Variants in TAPBPL observed in about 807,000 individuals in gnomAD.
TAPBPL encodes the protein tapasin-related protein.
TAPBPL carries 32 observed loss-of-function variants against 44.8 expected under a neutral mutation model. That is an observed-to-expected ratio of 0.71 (90% confidence interval 0.54 to 0.96). The LOEUF (loss-of-function observed/expected upper bound fraction) is 0.96. TAPBPL is among the 40% of genes least tolerant of loss of function. The pLI is 0.00. For missense variants in TAPBPL, 520 were observed against 586.6 expected, an observed-to-expected ratio of 0.89 and a Z score of 1.17; for synonymous variants, 230 against 240.7, an observed-to-expected ratio of 0.96 and a Z score of 0.41.
At chr12:6,462,372 A>G (rs1289390377), downstream of TAPBPL, 8 of 508,666 alleles carry the variant, frequency 1.6e-5, no homozygotes, top group Non-Finnish European at 2.8e-5. Flanking sequence ...GGAAAAAAAG[A>G]CAAAGAGGTG....
In TAPBPL at chr12:6,461,471, G is replaced by A. The variant is rs904937450; in HGVS notation, c.1291+533G>A. The A allele has an allele frequency of 1.0e-5, 10 of 993,300 alleles. No homozygotes were observed. In the African/African-American group the frequency reaches 1.7e-4, roughly 17 times the overall value. 61.5% of individuals were successfully genotyped at this position (993,300 alleles called of 1,614,324 possible). A position where few individuals can be genotyped will look rare whatever the true frequency, so the allele number is the denominator to read the frequency against. The stretch of plus-strand genomic sequence containing the variant: ...GAGGGACAATGAGGCATGGGTTGGG[G>A]CTGGGCTACCCCTCCCAAACTCAGC... On this transcript the variant is annotated intron_variant, in intron 6 of 6. Transcript: ENST00000266556.
At chr12:6,464,602 A>T, downstream of TAPBPL, 1 of 1,458,500 alleles carries the variant, frequency 6.9e-7, no homozygotes, top group South Asian at 1.5e-5. Flanking sequence ...TAAGTGCCCC[A>T]TCCCCATGGT....
In TAPBPL at chr12:6,461,933, A is replaced by G. The variant is rs1949875176; in HGVS notation, c.1292-101A>G. On this transcript the variant is annotated intron_variant, in intron 6 of 6. Coordinates refer to ENST00000266556, the MANE Select transcript of TAPBPL (RefSeq NM_018009.5). ...AGGACAAGCAGGCCAAGGACCTAGG[A>G]AGGAGCACAGGAGGCAGATGGAAGA... The G allele has an allele frequency of 4.3e-6, 4 of 921,646 alleles. No homozygotes were observed. The South Asian group carries it at 4.7e-5, about 11-fold the overall frequency. The allele number at this position is 921,646 out of a possible 1,614,324, so 57.1% of individuals were successfully genotyped here. A position where few individuals can be genotyped will look rare whatever the true frequency, so the allele number is the denominator to read the frequency against.
intron 4 of TAPBPL, among the ~76,000 whole-genome samples, chr12:6,458,100 C>T (rs1198417629): frequency 6.6e-6 from 1 of 152,196 alleles, no homozygotes; most frequent in East Asian, 1.9e-4. Flanking sequence ...AAATCTCTGG[C>T]TTAGAGGCCG....
chr12:6,457,268 T>C, intron 3 of TAPBPL, 138 bp from the exon 4 acceptor site: 2 of 749,620 alleles, frequency 2.7e-6, no homozygotes, highest in Non-Finnish European at 4.3e-6. Context: ...TGTGGTTCCA[T>C]GTGATGGAAA....
chr12:6,458,815 G>C lies in TAPBPL; in HGVS notation c.1075G>C (p.Val359Leu). 1 of 1,614,150 alleles carries C rather than the reference G, an allele frequency of 6.2e-7. No individual in the cohort carries two copies. The highest frequency in any genetic ancestry group is 1.1e-5 in the South Asian group (1 of 91,088). The change falls in exon 5 of 7, where the codon GTG (valine) becomes CTG (leucine). Residue 359 changes from valine (V) to leucine (L), a missense_variant. Val to Leu is a conservative substitution (Grantham distance 32). Transcript: ENST00000266556. ...CTCCTTCTCCAGCCTCAGGCAAAGCGTGGCAGGCACCTACAGCATCTCCTC... is the reference window on the plus strand; with the variant it reads ...CTCCTTCTCCAGCCTCAGGCAAAGCCTGGCAGGCACCTACAGCATCTCCTC... Reference protein sequence around the residue: ...GASFSSLRQSVAGTYSISSSL... With the variant: ...GASFSSLRQSLAGTYSISSSL...
At chr12:6,455,399 G>T in intron 3 of TAPBPL, among the ~76,000 whole-genome samples, 1 of 152,308 alleles carries the variant, frequency 6.6e-6, no homozygotes, top group East Asian at 1.9e-4. Context: ...TAGTCTACCC[G>T]TAGCGCAGGC....
Position 6,457,613 on chromosome 12 carries a change from C to T in TAPBPL, c.773C>T (p.Ala258Val), listed in dbSNP as rs763864841. The part of the protein sequence containing the change: ...AVRKGATLEP[A>V]QLGMARDASL... ...CGGAAGGGCGCTACCCTGGAGCCTG[C>T]ACAACTGGGCATGGCCAGGGATGCC... Residue 258 changes from alanine to valine, a missense_variant, in exon 4 of 7, where the codon GCA becomes GTA. Ala to Val is a moderately conservative substitution (Grantham distance 64, BLOSUM62 0). Transcript: ENST00000266556. The T allele has an allele frequency of 9.9e-6, 16 of 1,614,054 alleles. No individual in the cohort carries two copies. Among genetic ancestry groups the T allele is most frequent in the Admixed American group, 1.7e-5 (1 of 60,000 alleles).
downstream of TAPBPL, chr12:6,466,102 G>A (rs572071417): frequency 1.9e-6 from 3 of 1,609,926 alleles, no homozygotes; most frequent in African/African-American, 4.0e-5. Context: ...AACTCTAAAG[G>A]GTGCTTTGCC....
downstream of TAPBPL, chr12:6,470,449 C>A (rs1565529674): frequency 2.5e-6 from 4 of 1,602,446 alleles, no homozygotes; most frequent in Non-Finnish European, 3.4e-6. Context: ...TGCATTGCGC[C>A]ATTTTCCGTC....
rs1949651177 is a variant in TAPBPL, at chr12:6,454,388, A to G, written c.565+672A>G. 3.3e-5 allele frequency among the ~76,000 whole-genome samples: 5 copies of G among 152,140 alleles called. No individual in the cohort carries two copies. The South Asian group carries it at 1.0e-3, about 32-fold the overall frequency. The stretch of plus-strand genomic sequence containing the variant: ...GAGACTGAGACGGGAGAATCACTTG[A>G]ACCTGAGAGACGGTGGTTGCAGTGA... On this transcript the variant is annotated intron_variant, in intron 3 of 6. Transcript: ENST00000266556.
intron 3 of TAPBPL, among the ~76,000 whole-genome samples, chr12:6,455,284 A>G (rs1049115572): frequency 9.2e-5 from 14 of 152,170 alleles, no homozygotes; most frequent in African/African-American, 3.1e-4. Context: ...GCATGTTTAA[A>G]CCCCAAATAC....
chr12:6,470,580 G>A (rs1164649408), downstream of TAPBPL: 3 of 1,612,886 alleles, frequency 1.9e-6, no homozygotes, highest in Non-Finnish European at 1.7e-6. Flanking sequence ...AGGCTGCGGC[G>A]AGACACCCGG....
chr12:6,457,281 A>G, intron 3 of TAPBPL, 125 bp from the exon 4 acceptor site: 1 of 865,420 alleles, frequency 1.2e-6, no homozygotes, highest in African/African-American at 1.7e-5. Flanking sequence ...GATGGAAAAT[A>G]AGCTCAACCG....
intron 3 of TAPBPL, among the ~76,000 whole-genome samples, chr12:6,454,274 GC>G (rs1385458052): frequency 6.6e-6 from 1 of 151,884 alleles, no homozygotes; most frequent in Non-Finnish European, 1.5e-5. Flanking sequence ...TTCAAGACCA[GC>G]CTGGCCAACA....
At chr12:6,457,905 T>C (rs763994975) in intron 4 of TAPBPL, among the ~76,000 whole-genome samples, 161 bp downstream of exon 4, 1 of 152,178 alleles carries the variant, frequency 6.6e-6, no homozygotes, top group Non-Finnish European at 1.5e-5. Context: ...TGGCATCAGA[T>C]AAGGAGTCCC....
chr12:6,453,433 C>T lies in TAPBPL; in HGVS notation c.296-14C>T. 1.2e-6 allele frequency: 2 copies of T among 1,613,692 alleles called. No homozygotes were observed. The highest frequency in any genetic ancestry group is 1.7e-6 in the Non-Finnish European group (2 of 1,179,752). ...CGCTAATTTGCCCTCTGTGTGTGCC[C>T]TGCTTCTCCCCAGTGGACCTGGTCC... On this transcript the variant is annotated splice_polypyrimidine_tract_variant and intron_variant, in intron 2 of 6. Transcript: ENST00000266556. This position sits in a 1 kb window ranked among gnomAD's most constrained non-coding sequence, Gnocchi z 4.8.
chr12:6,464,194 G>A (rs965409091), downstream of TAPBPL: 4 of 1,473,402 alleles, frequency 2.7e-6, no homozygotes, highest in African/African-American at 5.6e-5. Flanking sequence ...CCAACTCTTT[G>A]GGGCTTTGGG....
In TAPBPL at chr12:6,452,096, G is replaced by A. The variant is rs945325734; in HGVS notation, c.-153G>A. ...CATCTTGCTCTAAGTGAAAGTGAAA[G>A]AAAAGTCGGCAGCAGAGGGAACAGG... On this transcript the variant is annotated 5_prime_UTR_variant, in exon 1 of 7. Transcript: ENST00000266556. 8 of 903,902 alleles carry A rather than the reference G, an allele frequency of 8.9e-6. No individual in the cohort carries two copies. Among genetic ancestry groups the A allele is most frequent in the African/African-American group, 1.7e-5 (1 of 59,798 alleles). 56.0% of individuals were successfully genotyped at this position (903,902 alleles called of 1,614,324 possible).
Sources: allele counts gnomAD v4.1 joint callset (sites outside exome capture counted in the v4.1 genomes callset), GRCh38; gene constraint gnomAD v4.1.1; non-coding constraint Gnocchi (gnomAD v3.1); transcripts MANE v1.5; gene names NCBI Gene and HGNC (gene_info 2026-07-23, HGNC 2026-07-21).